Variants in TMOD3 observed in about 807,000 individuals in gnomAD.
The protein encoded by TMOD3 is tropomodulin 3.
In TMOD3, 20 loss-of-function variants were observed where a neutral mutation model predicts 39.2. That is an observed-to-expected ratio of 0.51 (90% confidence interval 0.36 to 0.74). The LOEUF is 0.74. TMOD3 is among the 30% of genes least tolerant of loss of function. TMOD3 has a pLI of 0.00. For synonymous variants in TMOD3, 143 were observed against 145.8 expected, an observed-to-expected ratio of 0.98 and a Z score of 0.14; for missense variants, 381 against 412.8, an observed-to-expected ratio of 0.92 and a Z score of 0.67.
Position 51,874,612 on chromosome 15 carries a change from A to G in TMOD3, c.283+5239A>G, listed in dbSNP as rs74981012. Reference sequence around the variant, plus strand: ...ATTCTGTCTCAAAGATAGATAAGGCATAGAACCTTGTCATGAATTTATCAC... The same window carrying G: ...ATTCTGTCTCAAAGATAGATAAGGCGTAGAACCTTGTCATGAATTTATCAC... On this transcript the variant is annotated intron_variant, in intron 3 of 9. Transcript: ENST00000308580. Among the ~76,000 whole-genome samples the G allele has an allele frequency of 6.1e-3, 932 of 152,336 alleles. 9 individuals are homozygous for G. The highest frequency in any genetic ancestry group is 0.02 in the African/African-American group (840 of 41,564).
chr15:51,862,420 A>G (rs1173244072), intron 1 of TMOD3, among the ~76,000 whole-genome samples: 2 of 152,222 alleles, frequency 1.3e-5, no homozygotes, highest in East Asian at 1.9e-4. Context: ...CCTAAACAAT[A>G]TATAGTAAAA....
At chr15:51,887,465 C>T (rs996995304) in intron 3 of TMOD3, 124 bp from the exon 4 acceptor site, 55 of 1,068,368 alleles carry the variant, frequency 5.1e-5, no homozygotes, top group Non-Finnish European at 1.2e-5. Flanking sequence ...AGAGATAAAA[C>T]AAAATTACTG....
At chr15:51,840,541 A>G (rs2056308157) in intron 1 of TMOD3, among the ~76,000 whole-genome samples, 1 of 152,226 alleles carries the variant, frequency 6.6e-6, no homozygotes, top group Non-Finnish European at 1.5e-5. Context: ...AAACAGAGGG[A>G]CAAAACAATA....
At chr15:51,835,533 T>G (rs1371886322) in intron 1 of TMOD3, among the ~76,000 whole-genome samples, 2 of 152,200 alleles carry the variant, frequency 1.3e-5, no homozygotes, top group Non-Finnish European at 2.9e-5. Context: ...GTCCTTGAAC[T>G]CCTGAGCTCA....
chr15:51,895,048 C>T (rs2056613719), intron 6 of TMOD3, among the ~76,000 whole-genome samples: 1 of 151,864 alleles, frequency 6.6e-6, no homozygotes, highest in East Asian at 1.9e-4. Flanking sequence ...ATTATAAATT[C>T]CTCATTTTAA....
intron 7 of TMOD3, among the ~76,000 whole-genome samples, chr15:51,899,555 A>G (rs563161103): frequency 4.6e-5 from 7 of 151,702 alleles, no homozygotes; most frequent in African/African-American, 1.5e-4. Flanking sequence ...AGTCTCAGCT[A>G]CTCAGGAAGC....
chr15:51,878,627 A>G (rs2056517664), intron 3 of TMOD3, among the ~76,000 whole-genome samples: 1 of 152,114 alleles, frequency 6.6e-6, no homozygotes, highest in African/African-American at 2.4e-5. Context: ...AACTCACTAA[A>G]CATTTGTTAA....
intron 4 of TMOD3, among the ~76,000 whole-genome samples, chr15:51,888,482 T>G (rs2056576668): frequency 6.6e-6 from 1 of 152,212 alleles, no homozygotes; most frequent in Admixed American, 6.5e-5. Context: ...AAGGACATCC[T>G]CTGACTTCTG....
In TMOD3 at chr15:51,887,980, C is replaced by T. The variant is rs141267781; in HGVS notation, c.406+269C>T. ...CATGTTGTCATATTTGAAAGTCTTT[C>T]TAAAAATCTTTCATCACCTGGTGCT... On this transcript the variant is annotated intron_variant, in intron 4 of 9. Transcript: ENST00000308580. Among the ~76,000 whole-genome samples, 733 of 152,284 alleles carry T rather than the reference C, an allele frequency of 4.8e-3. 4 individuals carry two copies. Among genetic ancestry groups the T allele is most frequent in the African/African-American group, 0.016 (675 of 41,550 alleles).
chr15:51,896,384 A>AAATGT, intron 6 of TMOD3, 35 bp from the exon 7 acceptor site: 3 of 1,414,196 alleles, frequency 2.1e-6, no homozygotes, highest in South Asian at 1.2e-5. Flanking sequence ...ATGAAAATTG[A>AAATGT]AATGTAATGA....
At chr15:51,845,424 T>C (rs893506447) in intron 1 of TMOD3, among the ~76,000 whole-genome samples, 37 of 152,218 alleles carry the variant, frequency 2.4e-4, no homozygotes, top group African/African-American at 8.4e-4. Context: ...CTCAGTCTGA[T>C]GCTGGGAGCT....
At chr15:51,836,297 T>G (rs1451723942) in intron 1 of TMOD3, among the ~76,000 whole-genome samples, 1 of 152,132 alleles carries the variant, frequency 6.6e-6, no homozygotes, top group Non-Finnish European at 1.5e-5. Flanking sequence ...ACCTAATTCC[T>G]CCCAATTCCC....
chr15:51,868,263 A>T (rs185719960), intron 2 of TMOD3, among the ~76,000 whole-genome samples: 1 of 152,298 alleles, frequency 6.6e-6, no homozygotes, highest in Admixed American at 6.5e-5. Context: ...TTCTCTGTAC[A>T]TATATATACA....
In TMOD3 at chr15:51,843,202, G is replaced by A. The variant is rs971684583; in HGVS notation, c.-75+13366G>A. On this transcript the variant is annotated intron_variant, in intron 1 of 9. Transcript: ENST00000308580. ...TCAGCTAGTCTTTGAATTGTGCAGC[G>A]TGTGGATAAGATAGAGAGGTGAAAT... Among the ~76,000 whole-genome samples the A allele has an allele frequency of 2.6e-4, 39 of 152,310 alleles. 2 individuals carry two copies. The highest frequency in any genetic ancestry group is 3.4e-3 in the Middle Eastern group (1 of 294).
intron 3 of TMOD3, among the ~76,000 whole-genome samples, chr15:51,872,036 G>A (rs2570257): frequency 0.049 from 7,429 of 152,034 alleles, 421 homozygotes; most frequent in African/African-American, 0.12. Context: ...AAATGCACAG[G>A]TCATCTGTAT....
At position 51,900,316 on chromosome 15, in the gene TMOD3, A is replaced by G. The variant is rs756956478; in HGVS notation, c.879+18A>G. On this transcript the variant is annotated intron_variant, in intron 8 of 9. Transcript: ENST00000308580. Reference sequence around the variant, plus strand: ...ACAATCAGGTCAATGTTCTACAATAATAACGTCGAGGAAGCTACAGCCCAC... The same window carrying G: ...ACAATCAGGTCAATGTTCTACAATAGTAACGTCGAGGAAGCTACAGCCCAC... The G allele has an allele frequency of 5.6e-5, 91 of 1,613,266 alleles. No individual in the cohort carries two copies. The highest frequency in any genetic ancestry group is 3.3e-4 in the Middle Eastern group (2 of 6,078).
intron 3 of TMOD3, among the ~76,000 whole-genome samples, chr15:51,876,531 G>A (rs1268642177): frequency 1.3e-5 from 2 of 148,738 alleles, no homozygotes; most frequent in Non-Finnish European, 3.0e-5. Context: ...GTGTGATCTC[G>A]GCTCACTGCA....
At chr15:51,877,398 G>A (rs2056509901) in intron 3 of TMOD3, among the ~76,000 whole-genome samples, 1 of 152,078 alleles carries the variant, frequency 6.6e-6, no homozygotes, top group Non-Finnish European at 1.5e-5. Context: ...TTGTTAGGTG[G>A]GCCAGGCACG....
At position 51,886,524 on chromosome 15, in the gene TMOD3, G is replaced by C. The variant is rs577408872; in HGVS notation, c.284-1065G>C. Among the ~76,000 whole-genome samples, 3 of 152,358 alleles carry C rather than the reference G, an allele frequency of 2.0e-5. No homozygotes were observed. In the South Asian group the frequency reaches 6.2e-4, roughly 32 times the overall value. ...CACCAAAGAATACAAAAACCAGTCA[G>C]GCGTGGCGGTGCGCGCCCGCATTCC... On this transcript the variant is annotated intron_variant, in intron 3 of 9. Coordinates refer to ENST00000308580, the MANE Select transcript of TMOD3 (RefSeq NM_014547.5).
Sources: allele counts gnomAD v4.1 joint callset (sites outside exome capture counted in the v4.1 genomes callset), GRCh38; gene constraint gnomAD v4.1.1; transcripts MANE v1.5; gene names NCBI Gene and HGNC (gene_info 2026-07-23, HGNC 2026-07-21).